BAZ2B: variants seen among roughly 807,000 people sequenced by gnomAD.
The protein encoded by BAZ2B is bromodomain adjacent to zinc finger domain protein 2B.
In BAZ2B, 91 loss-of-function variants were observed where a neutral mutation model predicts 246.0. The ratio of observed to expected loss-of-function variants is 0.37; its 90% CI spans 0.31 to 0.44. The LOEUF (loss-of-function observed/expected upper bound fraction) is 0.44, where lower values mean the gene tolerates loss of function less well. Ranked by LOEUF, BAZ2B falls within the 20% of genes least tolerant of loss-of-function variation. BAZ2B has a pLI of 1.00. For missense variants in BAZ2B, 2,332 were observed against 2,533.7 expected (o/e 0.92, Z 1.71); for synonymous variants, 855 against 860.0 (o/e 0.99, Z 0.10).
At chr2:159,462,459 G>A (rs570134623) in intron 3 of BAZ2B, 55 of 1,186,370 alleles carry the variant, frequency 4.6e-5, no homozygotes, top group Non-Finnish European at 6.4e-5. Flanking sequence ...ATTTTGGTGC[G>A]GGTAACCGGA....
chr2:159,702,262 ATTCT>A, the BAZ2B span, among the ~76,000 whole-genome samples: 83 of 152,312 alleles, frequency 5.4e-4, 1 homozygote, highest in Non-Finnish European at 1.2e-3. Context: ...ATTTCTATAC[ATTCT>A]TTCTTTTAAT....
intron 6 of BAZ2B, among the ~76,000 whole-genome samples, chr2:159,440,853 G>C (rs2073262849): frequency 6.6e-6 from 1 of 151,992 alleles, no homozygotes; most frequent in South Asian, 2.1e-4. Context: ...TTACAAGAAG[G>C]CCTCTTTCAA....
At chr2:159,679,271 C>CAAAAAAA in the BAZ2B span, among the ~76,000 whole-genome samples, 2 of 64,456 alleles carry the variant, frequency 3.1e-5, no homozygotes, top group Admixed American at 2.1e-4. Context: ...GACTTCATCT[C>CAAAAAAA]AAAAAAAAAA....
chr2:159,320,440 G>A, intron 36 of BAZ2B, 22 bp from the exon 37 acceptor site: 3 of 1,530,742 alleles, frequency 2.0e-6, no homozygotes, highest in Non-Finnish European at 2.6e-6. Context: ...CAAATAATTA[G>A]AGATTGCGTT....
chr2:159,490,276 A>T (rs1366094521), intron 2 of BAZ2B, among the ~76,000 whole-genome samples: 1 of 152,188 alleles, frequency 6.6e-6, no homozygotes, highest in Non-Finnish European at 1.5e-5. Flanking sequence ...TCCCCTTGTT[A>T]CACTTTTCAA....
chr2:159,363,080 T>C (rs1364832204), intron 27 of BAZ2B, among the ~76,000 whole-genome samples: 1 of 152,172 alleles, frequency 6.6e-6, no homozygotes, highest in African/African-American at 2.4e-5. Flanking sequence ...GGCCTGCTAA[T>C]TTGCATGGTT....
intron 2 of BAZ2B, among the ~76,000 whole-genome samples, chr2:159,537,449 G>A (rs916661568): frequency 2.0e-5 from 3 of 152,226 alleles, no homozygotes; most frequent in African/African-American, 4.8e-5. Flanking sequence ...TGTGTTAAGT[G>A]GAGGAGACTG....
chr2:159,526,747 GAATAAA>G (rs1226411830), intron 2 of BAZ2B, among the ~76,000 whole-genome samples: 1 of 151,924 alleles, frequency 6.6e-6, no homozygotes, highest in Non-Finnish European at 1.5e-5. Flanking sequence ...AGGCAGAAAT[GAATAAA>G]AATAAAAAAG....
At chr2:159,619,707 A>T (rs1559920112), upstream of BAZ2B, among the ~76,000 whole-genome samples, 1 of 152,020 alleles carries the variant, frequency 6.6e-6, no homozygotes, top group Non-Finnish European at 1.5e-5. Context: ...GATTACTCCA[A>T]GTATTTGATA....
At chr2:159,483,148 A>G (rs549946620) in intron 2 of BAZ2B, among the ~76,000 whole-genome samples, 73 of 152,326 alleles carry the variant, frequency 4.8e-4, no homozygotes, top group African/African-American at 1.7e-3. Flanking sequence ...TCTAGTAGGT[A>G]CATCTTTTAA....
intron 2 of BAZ2B, among the ~76,000 whole-genome samples, chr2:159,502,115 A>AGGATACTC (rs2081908576): frequency 6.6e-6 from 1 of 152,206 alleles, no homozygotes; most frequent in East Asian, 1.9e-4. Context: ...CATCCAGAAA[A>AGGATACTC]GGATACTCTG....
At chr2:159,613,078 C>T (rs531129215) in intron 1 of BAZ2B, among the ~76,000 whole-genome samples, 1 of 152,092 alleles carries the variant, frequency 6.6e-6, no homozygotes, top group Non-Finnish European at 1.5e-5. Context: ...AAAAAACCTG[C>T]ATAAGAATCC....
chr2:159,453,846 G>T, intron 3 of BAZ2B, 45 bp from the exon 4 acceptor site: 1 of 1,420,924 alleles, frequency 7.0e-7, no homozygotes, highest in Non-Finnish European at 9.3e-7. Context: ...ATAAAAAACA[G>T]ATGAGACTTA....
At chr2:159,712,366 C>T in the BAZ2B span, 3 of 152,422 alleles carry the variant, frequency 2.0e-5, no homozygotes, top group African/African-American at 7.2e-5. Context: ...TTCCCGCAGT[C>T]AGAGCACCAC....
upstream of BAZ2B, among the ~76,000 whole-genome samples, chr2:159,621,264 T>G (rs996109207): frequency 1.3e-5 from 2 of 152,172 alleles, no homozygotes; most frequent in Non-Finnish European, 2.9e-5. Context: ...TTGTCCCCAG[T>G]GTCCAGAATT....
At chr2:159,507,696 C>CA (rs998572792) in intron 2 of BAZ2B, among the ~76,000 whole-genome samples, 7 of 151,490 alleles carry the variant, frequency 4.6e-5, no homozygotes, top group African/African-American at 7.3e-5. Context: ...ATTGAATAAC[C>CA]AAAAAACTTT....
chr2:159,476,531 A>G (rs546029462), intron 3 of BAZ2B, among the ~76,000 whole-genome samples: 1 of 152,328 alleles, frequency 6.6e-6, no homozygotes, highest in Non-Finnish European at 1.5e-5. Flanking sequence ...CAAACAAAAA[A>G]TAGTGCCCAA....
chr2:159,609,841 T>C (rs1229831538), intron 1 of BAZ2B, among the ~76,000 whole-genome samples: 1 of 151,376 alleles, frequency 6.6e-6, no homozygotes, highest in Non-Finnish European at 1.5e-5. Context: ...ACAGGCTCCA[T>C]GTGAGTGGAA....
chr2:159,612,144 A>C (rs1694846547), intron 1 of BAZ2B, among the ~76,000 whole-genome samples: 1 of 151,994 alleles, frequency 6.6e-6, no homozygotes, highest in African/African-American at 2.4e-5. Flanking sequence ...AGTTTGTATG[A>C]ATTTTTAAAT....
Sources: gnomAD v4.1 joint callset for allele counts (sites outside exome capture counted in the v4.1 genomes callset) on GRCh38, gnomAD v4.1.1 for gene constraint, MANE v1.5 for transcripts, NCBI Gene and HGNC (gene_info 2026-07-23, HGNC 2026-07-21) for gene names.